Variants in UPP2 observed in about 807,000 individuals in gnomAD.
UPP2 encodes the protein UPase 2.
Under a neutral mutation model 26.7 loss-of-function variants are expected in UPP2, and 23 were observed. The observed-to-expected ratio is 0.86, with a 90% CI of 0.62 to 1.22. The LOEUF (loss-of-function observed/expected upper bound fraction) is 1.22, where lower values mean the gene tolerates loss of function less well. Among genes scored for constraint, UPP2 ranks in the 50% most tolerant of loss-of-function variants. The pLI, the probability that UPP2 is intolerant of heterozygous loss-of-function variation, is 0.00. For missense variants in UPP2, 387 were observed against 396.7 expected (o/e 0.98, Z 0.21); for synonymous variants, 127 against 141.3 (o/e 0.90, Z 0.72).
chr2:158,004,256 C>A (rs917579315), intron 2 of UPP2, among the ~76,000 whole-genome samples: 1 of 152,078 alleles, frequency 6.6e-6, no homozygotes, highest in African/African-American at 2.4e-5. Context: ...AAAAAACAAT[C>A]ATCGTCGGGG....
At chr2:158,025,472 G>C (rs993839263) in intron 3 of UPP2, among the ~76,000 whole-genome samples, 1 of 152,184 alleles carries the variant, frequency 6.6e-6, no homozygotes, top group African/African-American at 2.4e-5. Flanking sequence ...AACAGGCTAA[G>C]AGCAGGGTAC....
At chr2:158,119,445 G>A (rs1683513406) in intron 4 of UPP2, among the ~76,000 whole-genome samples, 1 of 151,960 alleles carries the variant, frequency 6.6e-6, no homozygotes, top group South Asian at 2.1e-4. Context: ...CTTTTAAGCA[G>A]TATTGCGTTT....
At chr2:158,104,124 C>T (rs546603050) in intron 1 of UPP2, among the ~76,000 whole-genome samples, 32 of 152,260 alleles carry the variant, frequency 2.1e-4, no homozygotes, top group Admixed American at 1.9e-3. Flanking sequence ...TTTGAGATAG[C>T]TTGCATCAGG....
At chr2:158,028,085 A>C (rs1683864109) in intron 3 of UPP2, among the ~76,000 whole-genome samples, 1 of 152,172 alleles carries the variant, frequency 6.6e-6, no homozygotes, top group Non-Finnish European at 1.5e-5. Context: ...CATTTTCTCC[A>C]TTTTCTTGGA....
At chr2:158,077,881 T>C (rs931276134) in intron 3 of UPP2, among the ~76,000 whole-genome samples, 6 of 151,912 alleles carry the variant, frequency 3.9e-5, no homozygotes. Context: ...AAACTACCTA[T>C]CTGACAAGGG....
At chr2:158,075,413 C>A (rs562399654) in intron 3 of UPP2, among the ~76,000 whole-genome samples, 4 of 151,604 alleles carry the variant, frequency 2.6e-5, no homozygotes, top group Admixed American at 2.0e-4. Context: ...CTCAGCATAT[C>A]GATAAGGATA....
intron 3 of UPP2, among the ~76,000 whole-genome samples, chr2:158,022,331 C>A (rs936555627): frequency 6.6e-6 from 1 of 150,994 alleles, no homozygotes; most frequent in African/African-American, 2.4e-5. Context: ...TAGTGGCGGG[C>A]GCCTGTAATC....
At chr2:158,044,302 T>C (rs1007607725) in intron 3 of UPP2, among the ~76,000 whole-genome samples, 2 of 151,954 alleles carry the variant, frequency 1.3e-5, no homozygotes, top group Admixed American at 1.3e-4. Flanking sequence ...TTGACCATAG[T>C]GGGAAATTGG....
chr2:158,051,157 A>ATGTGTGTGTGTGTGTGTGTG (rs57745839), intron 3 of UPP2, among the ~76,000 whole-genome samples: 20 of 145,076 alleles, frequency 1.4e-4, no homozygotes, highest in South Asian at 9.0e-4. Context: ...CTCTAGGAAT[A>ATGTGTGTGTGTGTGTGTGTG]TGTGTGTGTG....
chr2:158,094,024 T>C (rs1045646153), intron 3 of UPP2, among the ~76,000 whole-genome samples: 3 of 150,580 alleles, frequency 2.0e-5, no homozygotes, highest in African/African-American at 7.3e-5. Flanking sequence ...TATACATATC[T>C]ACCATATATA....
intron 5 of UPP2, among the ~76,000 whole-genome samples, chr2:158,123,438 C>G (rs1369845823): frequency 6.6e-6 from 1 of 152,176 alleles, no homozygotes; most frequent in Non-Finnish European, 1.5e-5. Context: ...GCAGCTCTCA[C>G]AGCAACCCCC....
At chr2:158,030,139 T>C (rs578050325) in intron 3 of UPP2, among the ~76,000 whole-genome samples, 10 of 152,298 alleles carry the variant, frequency 6.6e-5, no homozygotes, top group Middle Eastern at 6.8e-3. Context: ...AACAATGTGC[T>C]CTGGACAAGT....
chr2:158,100,039 C>T (rs918114540), upstream of UPP2, among the ~76,000 whole-genome samples: 5 of 152,134 alleles, frequency 3.3e-5, no homozygotes, highest in African/African-American at 9.7e-5. Flanking sequence ...GGTGACTGGC[C>T]TTTTGCAATA....
chr2:158,107,101 A>G (rs1683212041), intron 2 of UPP2, among the ~76,000 whole-genome samples: 1 of 152,244 alleles, frequency 6.6e-6, no homozygotes, highest in Non-Finnish European at 1.5e-5. Context: ...AATCAAATGA[A>G]TATTTTGTAA....
At chr2:158,046,333 C>G (rs1310462361) in intron 3 of UPP2, among the ~76,000 whole-genome samples, 8 of 152,178 alleles carry the variant, frequency 5.3e-5, no homozygotes, top group African/African-American at 1.9e-4. Context: ...CATGACATCC[C>G]AGCCAACTTC....
intron 6 of UPP2, among the ~76,000 whole-genome samples, chr2:158,129,312 G>A (rs1394075621): frequency 1.3e-5 from 2 of 152,042 alleles, no homozygotes; most frequent in Non-Finnish European, 2.9e-5. Context: ...AGCATCTCTG[G>A]TTAACGGTCC....
intron 3 of UPP2, among the ~76,000 whole-genome samples, chr2:158,019,374 G>C (rs532363986): frequency 6.6e-6 from 1 of 152,064 alleles, no homozygotes; most frequent in Non-Finnish European, 1.5e-5. Flanking sequence ...GCTGGAGGAC[G>C]GAGCGGGGAG....
intron 3 of UPP2, among the ~76,000 whole-genome samples, chr2:158,023,834 C>T (rs764448311): frequency 4.6e-5 from 7 of 152,142 alleles, no homozygotes; most frequent in Non-Finnish European, 7.3e-5. Flanking sequence ...GTGGTGGAGC[C>T]TCCTATGTTC....
intron 3 of UPP2, among the ~76,000 whole-genome samples, chr2:158,116,889 A>G (rs1683442489): frequency 6.7e-6 from 1 of 149,246 alleles, no homozygotes; most frequent in Non-Finnish European, 1.5e-5. Context: ...GGCATATGCA[A>G]TGGGAACCAG....
Sources: gnomAD v4.1 joint callset for allele counts (sites outside exome capture counted in the v4.1 genomes callset) on GRCh38, gnomAD v4.1.1 for gene constraint, MANE v1.5 for transcripts, NCBI Gene and HGNC (gene_info 2026-07-23, HGNC 2026-07-21) for gene names.